Variants in ZNG1B observed in about 807,000 individuals in gnomAD.
The protein encoded by ZNG1B is Zn regulated GTPase metalloprotein activator 1B, also known as zinc-regulated GTPase metalloprotein activator 1B.
the ZNG1B span, among the ~76,000 whole-genome samples, chr2:113,474,584 T>C: frequency 1.4e-5 from 2 of 144,780 alleles, no homozygotes; most frequent in African/African-American, 5.2e-5. Flanking sequence ...TGATGTTAGG[T>C]TGTCAATTTT....
chr2:113,485,970 G>A, the ZNG1B span, among the ~76,000 whole-genome samples: 3 of 148,286 alleles, frequency 2.0e-5, no homozygotes, highest in Admixed American at 1.4e-4. Flanking sequence ...TTCTGTGTCA[G>A]CATACATGGA....
the ZNG1B span, among the ~76,000 whole-genome samples, chr2:113,453,434 G>T: frequency 2.8e-3 from 417 of 150,988 alleles, no homozygotes; most frequent in African/African-American, 9.6e-3. Context: ...TGGATTTTTA[G>T]TAGAGACGGG....
chr2:113,439,783 A>C, the ZNG1B span, among the ~76,000 whole-genome samples: 2 of 150,804 alleles, frequency 1.3e-5, no homozygotes, highest in Non-Finnish European at 2.9e-5. Flanking sequence ...GGTTCTCCAT[A>C]GCATTTTGTG....
At chr2:113,439,874 ATTTTTTTTT>A in the ZNG1B span, among the ~76,000 whole-genome samples, 8 of 68,880 alleles carry the variant, frequency 1.2e-4, no homozygotes, top group South Asian at 5.8e-4. Flanking sequence ...CCTTCCCTTA[ATTTTTTTTT>A]TTTTTTTTTT....
the ZNG1B span, among the ~76,000 whole-genome samples, chr2:113,452,064 T>A: frequency 6.6e-6 from 1 of 152,180 alleles, no homozygotes; most frequent in African/African-American, 2.4e-5. Flanking sequence ...ACTGACACTC[T>A]CCAGTTCTAA....
At chr2:113,438,386 CAG>C in the ZNG1B span, among the ~76,000 whole-genome samples, 8 of 152,074 alleles carry the variant, frequency 5.3e-5, no homozygotes, top group African/African-American at 1.7e-4. Context: ...ACCTGTGAAA[CAG>C]GGCCGGAACC....
At chr2:113,459,749 A>G in the ZNG1B span, among the ~76,000 whole-genome samples, 6 of 150,798 alleles carry the variant, frequency 4.0e-5, no homozygotes, top group East Asian at 9.8e-4. Flanking sequence ...GAGTATTACT[A>G]TAATCTAGTT....
the ZNG1B span, chr2:113,445,131 A>G: frequency 6.4e-7 from 1 of 1,562,582 alleles, no homozygotes; most frequent in African/African-American, 1.4e-5. Context: ...AGGAATATCT[A>G]ACATGAGGAT....
the ZNG1B span, among the ~76,000 whole-genome samples, chr2:113,458,587 A>C: frequency 7.8e-6 from 1 of 128,968 alleles, no homozygotes; most frequent in African/African-American, 3.0e-5. Flanking sequence ...TATTTTGGAG[A>C]GGTAAATGCA....
At chr2:113,453,038 G>A in the ZNG1B span, 1 of 1,459,852 alleles carries the variant, frequency 6.9e-7, no homozygotes, top group Non-Finnish European at 9.3e-7. Flanking sequence ...AGATATATGT[G>A]TTTACCTGTT....
At chr2:113,489,659 G>T in the ZNG1B span, among the ~76,000 whole-genome samples, 1 of 152,116 alleles carries the variant, frequency 6.6e-6, no homozygotes, top group Admixed American at 6.5e-5. Flanking sequence ...TAAGGTAAAG[G>T]GATGGACCAA....
chr2:113,479,420 C>T, the ZNG1B span, among the ~76,000 whole-genome samples: 1 of 148,820 alleles, frequency 6.7e-6, no homozygotes, highest in East Asian at 2.0e-4. Flanking sequence ...CAGCCCTAAG[C>T]ATAAATTTGG....
At chr2:113,463,367 A>G in the ZNG1B span, among the ~76,000 whole-genome samples, 3 of 152,150 alleles carry the variant, frequency 2.0e-5, no homozygotes, top group Admixed American at 1.3e-4. Context: ...CTTAGTATTT[A>G]TAAGTTCTAC....
At chr2:113,439,227 T>C in the ZNG1B span, 3 of 1,466,304 alleles carry the variant, frequency 2.0e-6, no homozygotes, top group African/African-American at 4.3e-5. Flanking sequence ...CCCTGACCAT[T>C]TTCCCTTTCT....
the ZNG1B span, among the ~76,000 whole-genome samples, chr2:113,442,323 G>A: frequency 6.7e-6 from 1 of 150,220 alleles, no homozygotes; most frequent in Non-Finnish European, 1.5e-5. Context: ...TATCTTTATA[G>A]AAGTTTTTCT....
the ZNG1B span, among the ~76,000 whole-genome samples, chr2:113,475,070 TC>T: frequency 6.8e-6 from 1 of 148,062 alleles, no homozygotes; most frequent in Non-Finnish European, 1.5e-5. Context: ...CATTGATCTG[TC>T]TAATGTTGAC....
At chr2:113,441,942 G>A in the ZNG1B span, among the ~76,000 whole-genome samples, 423 of 152,246 alleles carry the variant, frequency 2.8e-3, 5 homozygotes, top group African/African-American at 9.7e-3. Flanking sequence ...GTTTCACCAT[G>A]TTGGCCAGGA....
At chr2:113,478,009 T>A in the ZNG1B span, among the ~76,000 whole-genome samples, 3 of 152,200 alleles carry the variant, frequency 2.0e-5, no homozygotes, top group African/African-American at 7.2e-5. Flanking sequence ...TTTTTAAGTC[T>A]GAATAATATT....
At chr2:113,452,131 C>T in the ZNG1B span, among the ~76,000 whole-genome samples, 2 of 152,180 alleles carry the variant, frequency 1.3e-5, no homozygotes, top group Admixed American at 6.5e-5. Flanking sequence ...ATTGATTCAG[C>T]CCCTGTTACT....
Sources: allele counts gnomAD v4.1 joint callset (sites outside exome capture counted in the v4.1 genomes callset), GRCh38; gene constraint gnomAD v4.1.1; transcripts MANE v1.5; gene names NCBI Gene and HGNC (gene_info 2026-07-23, HGNC 2026-07-21).